Variants in DCAF8L2 observed in about 807,000 individuals in gnomAD.
DCAF8L2 encodes the protein DDB1 and CUL4 associated factor 8 like 2.
For synonymous variants in DCAF8L2, 200 were observed against 190.9 expected (o/e 1.05, Z -0.39); for missense variants, 430 against 490.7 (o/e 0.88, Z 1.17).
the DCAF8L2 span, among the ~76,000 whole-genome samples, chrX:27,528,092 C>G: frequency 7.4e-5 from 7 of 94,179 alleles, no homozygotes; most frequent in South Asian, 2.8e-3. Flanking sequence ...AATTATTAGA[C>G]TAATTTTTAA....
chrX:27,518,505 C>T, the DCAF8L2 span: 10 of 384,369 alleles, frequency 2.6e-5, no homozygotes, highest in South Asian at 7.2e-5. Flanking sequence ...TTTGGGAGGC[C>T]GAGGCAGGCG....
chrX:27,599,087 TC>T (rs1439006347), intron 1 of DCAF8L2, among the ~76,000 whole-genome samples: 2 of 110,163 alleles, frequency 1.8e-5, no homozygotes, highest in Non-Finnish European at 3.8e-5. Flanking sequence ...ACAGAACTAT[TC>T]ACAATACCCA....
chrX:27,505,075 C>A, the DCAF8L2 span, among the ~76,000 whole-genome samples: 6 of 111,525 alleles, frequency 5.4e-5, no homozygotes, highest in African/African-American at 2.0e-4. Context: ...TCCATTCTCC[C>A]AAGTCTTTTA....
At chrX:27,645,385 C>G (rs1928900632) in intron 2 of DCAF8L2, among the ~76,000 whole-genome samples, 1 of 111,636 alleles carries the variant, frequency 9.0e-6, no homozygotes, top group East Asian at 2.8e-4. Flanking sequence ...ATGATAAAAA[C>G]TCTCAATACA....
the DCAF8L2 span, among the ~76,000 whole-genome samples, chrX:27,493,473 G>A: frequency 9.1e-6 from 1 of 110,254 alleles, no homozygotes; most frequent in African/African-American, 3.3e-5. Context: ...CACTTTGGGA[G>A]GCCGATACAG....
chrX:27,481,733 T>C, the DCAF8L2 span, among the ~76,000 whole-genome samples: 1 of 111,814 alleles, frequency 8.9e-6, no homozygotes, highest in African/African-American at 3.2e-5. Context: ...TTCACTGAGC[T>C]AGAAAAACTA....
intron 4 of DCAF8L2, among the ~76,000 whole-genome samples, chrX:27,722,033 A>G (rs897130672): frequency 8.9e-6 from 1 of 111,822 alleles, no homozygotes; most frequent in Non-Finnish European, 1.9e-5. Flanking sequence ...ATTTTCATCA[A>G]GTATGAATGA....
chrX:27,733,887 T>C (rs1921370369), intron 4 of DCAF8L2, among the ~76,000 whole-genome samples: 1 of 111,602 alleles, frequency 9.0e-6, no homozygotes, highest in African/African-American at 3.3e-5. Flanking sequence ...CATTTGTCTA[T>C]GTCAGTCAAT....
intron 1 of DCAF8L2, among the ~76,000 whole-genome samples, chrX:27,615,926 A>AT (rs1927453356): frequency 9.0e-6 from 1 of 111,212 alleles, no homozygotes; most frequent in Admixed American, 9.6e-5. Flanking sequence ...GTTTTTTAAT[A>AT]TTTTTATTTA....
intron 3 of DCAF8L2, among the ~76,000 whole-genome samples, chrX:27,705,966 T>G (rs962544261): frequency 9.0e-6 from 1 of 111,712 alleles, no homozygotes; most frequent in African/African-American, 3.3e-5. Flanking sequence ...TGATTTTTTG[T>G]ATGTGGTATA....
At chrX:27,724,579 G>C (rs929070267) in intron 4 of DCAF8L2, among the ~76,000 whole-genome samples, 21 of 110,850 alleles carry the variant, frequency 1.9e-4, no homozygotes, top group African/African-American at 6.8e-4. Flanking sequence ...ACTGTACTGG[G>C]TTACCTGTAT....
At chrX:27,694,821 G>T (rs953019450) in intron 3 of DCAF8L2, among the ~76,000 whole-genome samples, 3 of 111,478 alleles carry the variant, frequency 2.7e-5, no homozygotes, top group African/African-American at 9.8e-5. Flanking sequence ...ACATCTATGA[G>T]GTTTTAAGCA....
At chrX:27,567,841 G>C in the DCAF8L2 span, among the ~76,000 whole-genome samples, 2 of 109,064 alleles carry the variant, frequency 1.8e-5, no homozygotes, top group Admixed American at 9.9e-5. Flanking sequence ...TAGAAAAATA[G>C]CTGATTAGTT....
At chrX:27,510,421 A>G in the DCAF8L2 span, among the ~76,000 whole-genome samples, 11 of 108,815 alleles carry the variant, frequency 1.0e-4, no homozygotes, top group East Asian at 3.1e-3. Context: ...GAGAATGGGC[A>G]TGAAAACTTC....
intron 1 of DCAF8L2, among the ~76,000 whole-genome samples, chrX:27,605,669 G>T (rs1926834129): frequency 9.0e-6 from 1 of 111,604 alleles, no homozygotes; most frequent in Non-Finnish European, 1.9e-5. Flanking sequence ...GGGTTCTAGT[G>T]GACTAGGTTT....
the DCAF8L2 span, among the ~76,000 whole-genome samples, chrX:27,499,815 A>G: frequency 1.1e-5 from 1 of 90,395 alleles, no homozygotes; most frequent in South Asian, 6.9e-4. Context: ...GAGGATTACA[A>G]TTCAACATGA....
the DCAF8L2 span, among the ~76,000 whole-genome samples, chrX:27,573,233 A>ATCTCTCTCTCTC: frequency 2.4e-5 from 2 of 83,564 alleles, no homozygotes; most frequent in Admixed American, 1.4e-4. Context: ...TATTTAAGAA[A>ATCTCTCTCTCTC]TCTCTCTCTC....
chrX:27,699,757 A>G (rs1602749043), intron 3 of DCAF8L2, among the ~76,000 whole-genome samples: 1 of 111,768 alleles, frequency 8.9e-6, no homozygotes, highest in Admixed American at 9.5e-5. Flanking sequence ...GGCAGGGTGT[A>G]TGATTCACAA....
chrX:27,593,968 C>T (rs977393565), intron 1 of DCAF8L2, among the ~76,000 whole-genome samples: 6 of 111,986 alleles, frequency 5.4e-5, no homozygotes, highest in East Asian at 2.8e-4. Context: ...CTTAGCTAGA[C>T]GCAGACATTA....
Sources: gnomAD v4.1 joint callset for allele counts (sites outside exome capture counted in the v4.1 genomes callset) on GRCh38, gnomAD v4.1.1 for gene constraint, MANE v1.5 for transcripts, NCBI Gene and HGNC (gene_info 2026-07-23, HGNC 2026-07-21) for gene names.